The following SERGEF variants were observed in gnomAD, a reference collection of about 807,000 sequenced individuals.
SERGEF encodes the protein secretion-regulating guanine nucleotide exchange factor.
In SERGEF, 51 loss-of-function variants were observed where a neutral mutation model predicts 50.0. The observed-to-expected ratio is 1.02, with a 90% CI of 0.81 to 1.29. The LOEUF (loss-of-function observed/expected upper bound fraction) is 1.29. SERGEF is among the 50% of genes most tolerant of loss of function. SERGEF has a pLI of 0.00. For missense variants in SERGEF, 521 were observed against 557.0 expected (o/e 0.94, Z 0.65); for synonymous variants, 205 against 212.4 (o/e 0.97, Z 0.30).
At chr11:17,973,691 G>C (rs1023625800) in intron 8 of SERGEF, among the ~76,000 whole-genome samples, 1 of 152,200 alleles carries the variant, frequency 6.6e-6, no homozygotes, top group African/African-American at 2.4e-5. Flanking sequence ...AGAGAGATTA[G>C]TATAAAAGAC....
At chr11:17,951,173 AC>A (rs757663043) in intron 9 of SERGEF, among the ~76,000 whole-genome samples, 5 of 152,170 alleles carry the variant, frequency 3.3e-5, no homozygotes, top group Non-Finnish European at 7.3e-5. Flanking sequence ...AGCAGCTCTG[AC>A]CCATACTTTT....
At chr11:17,807,441 G>C (rs958442200) in intron 10 of SERGEF, among the ~76,000 whole-genome samples, 2 of 152,130 alleles carry the variant, frequency 1.3e-5, no homozygotes, top group Admixed American at 6.5e-5. Flanking sequence ...AACATACTTT[G>C]GGCCACTCAC....
intron 10 of SERGEF, among the ~76,000 whole-genome samples, chr11:17,874,672 G>C (rs887910543): frequency 6.8e-4 from 103 of 152,318 alleles, no homozygotes; most frequent in African/African-American, 2.4e-3. Flanking sequence ...CAGGGCCTGA[G>C]TCCCTGTCTG....
At chr11:18,004,336 G>T in intron 4 of SERGEF, 105 bp downstream of exon 4, 2 of 737,750 alleles carry the variant, frequency 2.7e-6, no homozygotes, top group South Asian at 2.1e-5. Context: ...CCTACTCCAT[G>T]GGTTCTCAGG....
chr11:17,911,570 C>T (rs1249852942), intron 9 of SERGEF, among the ~76,000 whole-genome samples: 1 of 151,688 alleles, frequency 6.6e-6, no homozygotes, highest in East Asian at 1.9e-4. Context: ...TCACTGTAAT[C>T]TCCACCTCCC....
At chr11:17,939,815 T>C (rs956889083) in intron 9 of SERGEF, among the ~76,000 whole-genome samples, 23 of 152,254 alleles carry the variant, frequency 1.5e-4, no homozygotes, top group African/African-American at 5.5e-4. Context: ...AGCAGATGGC[T>C]GTTCTATTCT....
At chr11:17,813,364 G>T (rs1013506625) in intron 10 of SERGEF, among the ~76,000 whole-genome samples, 12 of 152,214 alleles carry the variant, frequency 7.9e-5, no homozygotes, top group Non-Finnish European at 1.3e-4. Flanking sequence ...ATCATGTGGG[G>T]AGACAGTGGC....
At chr11:17,878,120 C>T in intron 10 of SERGEF, 88 bp downstream of exon 10, 2 of 948,134 alleles carry the variant, frequency 2.1e-6, no homozygotes, top group Non-Finnish European at 3.3e-6. Context: ...TGAGTGCACG[C>T]ACCATGGCTT....
intron 8 of SERGEF, among the ~76,000 whole-genome samples, chr11:17,984,591 A>G (rs1256350635): frequency 3.3e-5 from 5 of 152,194 alleles, no homozygotes; most frequent in Non-Finnish European, 7.3e-5. Flanking sequence ...AACTATATCA[A>G]GGAGTAAATA....
At chr11:17,909,296 A>G (rs1474439794) in intron 9 of SERGEF, among the ~76,000 whole-genome samples, 1 of 152,250 alleles carries the variant, frequency 6.6e-6, no homozygotes, top group African/African-American at 2.4e-5. Context: ...GAAAGGAGCA[A>G]TGTAATTGAC....
In SERGEF at chr11:17,992,911, G is replaced by C. The variant is rs140850202; in HGVS notation, c.685+20C>G. 6.2e-7 allele frequency: 1 copy of C among 1,607,600 alleles called. No homozygotes were observed. Among genetic ancestry groups the C allele is most frequent in the Non-Finnish European group, 8.5e-7 (1 of 1,174,128 alleles). ...AGAATCCTGAATGGCATGTTAAACC[G>C]TGAAAGAGCTGGTACCTACCTGTTA... is the stretch of plus-strand genomic sequence containing the variant. On this transcript the variant is annotated intron_variant, in intron 7 of 10. Transcript: ENST00000265965.
intron 9 of SERGEF, among the ~76,000 whole-genome samples, chr11:17,879,249 G>C (rs1019576123): frequency 6.6e-6 from 1 of 152,212 alleles, no homozygotes; most frequent in African/African-American, 2.4e-5. Context: ...TGTCCCAACT[G>C]CTAGCAGGAG....
At chr11:17,809,808 T>C (rs1849834613) in intron 10 of SERGEF, among the ~76,000 whole-genome samples, 1 of 152,142 alleles carries the variant, frequency 6.6e-6, no homozygotes, top group South Asian at 2.1e-4. Context: ...AGGTCTAGGA[T>C]ATGTGATTCC....
intron 10 of SERGEF, among the ~76,000 whole-genome samples, chr11:17,825,074 C>T (rs1046145762): frequency 3.3e-5 from 5 of 152,190 alleles, no homozygotes; most frequent in Non-Finnish European, 7.3e-5. Context: ...AGATGGCATT[C>T]TTAAGTCATT....
intron 9 of SERGEF, among the ~76,000 whole-genome samples, chr11:17,943,410 C>T (rs2133957885): frequency 6.6e-6 from 1 of 152,262 alleles, no homozygotes; most frequent in East Asian, 1.9e-4. Context: ...TCTACATAAT[C>T]TGTAGTGACA....
At chr11:17,860,182 T>A (rs1407856007) in intron 10 of SERGEF, among the ~76,000 whole-genome samples, 1 of 152,114 alleles carries the variant, frequency 6.6e-6, no homozygotes, top group African/African-American at 2.4e-5. Context: ...TTTATAGATG[T>A]TTTGGAGGCA....
chr11:18,004,755 T>C lies in SERGEF; in HGVS notation c.353-220A>G, dbSNP rs184424879. 2.0e-4 allele frequency among the ~76,000 whole-genome samples: 30 copies of C among 152,320 alleles called. No homozygotes were observed. In the Middle Eastern group the frequency reaches 0.01, roughly 52 times the overall value. On this transcript the variant is annotated intron_variant, in intron 3 of 10. Coordinates refer to ENST00000265965, the MANE Select transcript of SERGEF (RefSeq NM_012139.4). ...ATTCTATTCTCTCATTAATAACAGA[T>C]TATCTGTGTAGAACACTTAACTCAG...
chr11:17,838,972 G>A (rs1260419004), intron 10 of SERGEF, among the ~76,000 whole-genome samples: 1 of 152,166 alleles, frequency 6.6e-6, no homozygotes, highest in East Asian at 1.9e-4. Context: ...GCACCTTGCA[G>A]AGCCATGTTC....
At chr11:17,964,937 T>G (rs1480787443) in intron 8 of SERGEF, among the ~76,000 whole-genome samples, 2 of 152,214 alleles carry the variant, frequency 1.3e-5, no homozygotes, top group African/African-American at 4.8e-5. Context: ...AGCATCATCT[T>G]CCTGTACAAG....
Sources: gnomAD v4.1 joint callset for allele counts (sites outside exome capture counted in the v4.1 genomes callset) on GRCh38, gnomAD v4.1.1 for gene constraint, MANE v1.5 for transcripts, NCBI Gene and HGNC (gene_info 2026-07-23, HGNC 2026-07-21) for gene names.